Variants in LMO7 observed in about 807,000 individuals in gnomAD.
LMO7 encodes the protein LIM domain only protein 7.
Under a neutral mutation model 206.5 loss-of-function variants are expected in LMO7, and 120 were observed. The ratio of observed to expected loss-of-function variants is 0.58; its 90% CI spans 0.50 to 0.68. The LOEUF is 0.68. LMO7 is among the 30% of genes least tolerant of loss of function. LMO7 has a pLI of 0.00. For missense variants in LMO7, 1,959 were observed against 1,957.9 expected (o/e 1.00, Z -0.01); for synonymous variants, 706 against 681.5 (o/e 1.04, Z -0.56).
intron 15 of LMO7, among the ~76,000 whole-genome samples, chr13:75,832,020 G>A (rs2058713273): frequency 6.6e-6 from 1 of 152,112 alleles, no homozygotes; most frequent in African/African-American, 2.4e-5. Context: ...AAGTTAAAAT[G>A]GAGATTTGGT....
chr13:75,808,310 T>C, intron 10 of LMO7, 111 bp downstream of exon 10: 1 of 1,226,788 alleles, frequency 8.2e-7, no homozygotes, highest in East Asian at 2.6e-5. Flanking sequence ...TCGCGTGCCA[T>C]TTTGAAGCAT....
chr13:75,836,044 A>G (rs1003144631), intron 18 of LMO7, among the ~76,000 whole-genome samples: 5 of 152,156 alleles, frequency 3.3e-5, no homozygotes, highest in African/African-American at 7.2e-5. Flanking sequence ...AGCTCTTACT[A>G]TATTGTATAA....
Position 75,808,207 on chromosome 13 carries a change from T to G in LMO7, c.1916+8T>G. Reference sequence around the variant, plus strand: ...AAGGCTGATGGTGGAGAGGTCAGAGTGTGTTTCTGCAAGGATTTTGCTTGT... The same window carrying G: ...AAGGCTGATGGTGGAGAGGTCAGAGGGTGTTTCTGCAAGGATTTTGCTTGT... On this transcript the variant is annotated splice_region_variant and intron_variant, in intron 10 of 30. Coordinates refer to ENST00000377534, the MANE Select transcript of LMO7 (RefSeq NM_001306080.2). The G allele has an allele frequency of 6.3e-7, 1 of 1,593,318 alleles. No individual in the cohort carries two copies. The highest frequency in any genetic ancestry group is 1.4e-5 in the African/African-American group (1 of 74,014).
At chr13:75,775,201 C>T (rs1008687612) in intron 4 of LMO7, among the ~76,000 whole-genome samples, 3 of 151,980 alleles carry the variant, frequency 2.0e-5, no homozygotes, top group South Asian at 2.1e-4. Flanking sequence ...TTAAAGTTCT[C>T]GGCAGGGAAA....
chr13:75,787,749 A>G (rs1316078823), intron 4 of LMO7, among the ~76,000 whole-genome samples: 1 of 152,194 alleles, frequency 6.6e-6, no homozygotes, highest in Non-Finnish European at 1.5e-5. Flanking sequence ...ACACGCCTCT[A>G]ACGTCACTGG....
chr13:75,839,911 G>A (rs2059435766), intron 20 of LMO7, 174 bp from the exon 21 acceptor site: 1 of 561,352 alleles, frequency 1.8e-6, no homozygotes, highest in Admixed American at 3.0e-5. Flanking sequence ...GTAACAGATG[G>A]AACTGTTACA....
At chr13:75,622,848 G>C (rs370706594) in intron 1 of LMO7, among the ~76,000 whole-genome samples, 55 of 152,190 alleles carry the variant, frequency 3.6e-4, no homozygotes, top group African/African-American at 1.2e-3. Flanking sequence ...TTTAGTATTC[G>C]ATAAACTTCT....
chr13:75,793,259 A>C (rs147069232), intron 4 of LMO7, among the ~76,000 whole-genome samples: 163 of 152,208 alleles, frequency 1.1e-3, no homozygotes, highest in African/African-American at 3.9e-3. Context: ...TTCTAAGTTA[A>C]AGTGCTGGGT....
At chr13:75,768,620 G>A (rs2049215998) in intron 4 of LMO7, among the ~76,000 whole-genome samples, 1 of 151,934 alleles carries the variant, frequency 6.6e-6, no homozygotes, top group African/African-American at 2.4e-5. Context: ...CTAACCCAAA[G>A]CTTCACATTG....
At chr13:75,734,169 G>A (rs2045569371) in intron 3 of LMO7, among the ~76,000 whole-genome samples, 1 of 152,148 alleles carries the variant, frequency 6.6e-6, no homozygotes, top group Non-Finnish European at 1.5e-5. Context: ...GGTTCTGTAG[G>A]TTCTTTCTAG....
At position 75,785,304 on chromosome 13, in the gene LMO7, A is replaced by G. The variant is rs368900894; in HGVS notation, c.318-10097A>G. On this transcript the variant is annotated intron_variant, in intron 4 of 30. Transcript: ENST00000377534. Reference sequence around the variant, plus strand: ...ATAAAACAGGGTCTTGGGAAAGCCTATGAATCACATCAAACCTTAATAGTT... The same window carrying G: ...ATAAAACAGGGTCTTGGGAAAGCCTGTGAATCACATCAAACCTTAATAGTT... Among the ~76,000 whole-genome samples, 5 of 152,214 alleles carry G rather than the reference A, an allele frequency of 3.3e-5. No individual in the cohort carries two copies. In the South Asian group the frequency reaches 1.0e-3, roughly 31 times the overall value.
intron 2 of LMO7, among the ~76,000 whole-genome samples, chr13:75,719,133 C>G (rs1248730022): frequency 6.6e-6 from 1 of 152,044 alleles, no homozygotes; most frequent in Non-Finnish European, 1.5e-5. Flanking sequence ...GCACGCACCA[C>G]CACGCCTGGC....
At chr13:75,760,393 G>A (rs918939663) in intron 3 of LMO7, 4 of 1,071,038 alleles carry the variant, frequency 3.7e-6, no homozygotes. Flanking sequence ...TTCCCTGCCT[G>A]TCAAGAGCCA....
intron 3 of LMO7, among the ~76,000 whole-genome samples, chr13:75,738,914 A>G (rs1473600491): frequency 6.6e-6 from 1 of 152,252 alleles, no homozygotes; most frequent in African/African-American, 2.4e-5. Context: ...ATTTAGCTAA[A>G]GCAAGGTTTC....
chr13:75,622,035 T>A (rs983997439), intron 1 of LMO7, among the ~76,000 whole-genome samples: 1 of 152,230 alleles, frequency 6.6e-6, no homozygotes, highest in East Asian at 1.9e-4. Flanking sequence ...CTTTGTAGAC[T>A]ATCCCCGGGC....
intron 1 of LMO7, among the ~76,000 whole-genome samples, chr13:75,650,502 A>C (rs896561440): frequency 6.6e-6 from 1 of 151,840 alleles, no homozygotes; most frequent in Non-Finnish European, 1.5e-5. Context: ...CTTCTTTGCT[A>C]TTCTTTCTTG....
At chr13:75,766,444 T>C (rs1162422346) in intron 4 of LMO7, among the ~76,000 whole-genome samples, 1 of 152,052 alleles carries the variant, frequency 6.6e-6, no homozygotes, top group Admixed American at 6.6e-5. Context: ...ATTTTGGTTT[T>C]AGGGAAGTCA....
chr13:75,842,809 A>C, intron 24 of LMO7, 42 bp from the exon 25 acceptor site: 1 of 1,246,382 alleles, frequency 8.0e-7, no homozygotes. Context: ...GAAGGGCTTA[A>C]AGTCTAATAT....
intron 3 of LMO7, among the ~76,000 whole-genome samples, chr13:75,735,766 G>A (rs1202653282): frequency 2.6e-5 from 4 of 151,580 alleles, no homozygotes; most frequent in East Asian, 1.9e-4. Context: ...GAGCCACTGC[G>A]CTTTCTTGGA....
Sources: allele counts gnomAD v4.1 joint callset (sites outside exome capture counted in the v4.1 genomes callset), GRCh38; gene constraint gnomAD v4.1.1; transcripts MANE v1.5; gene names NCBI Gene and HGNC (gene_info 2026-07-23, HGNC 2026-07-21).